Variants in MAP2 observed in about 807,000 individuals in gnomAD.
The protein encoded by MAP2 is microtubule-associated protein 2.
MAP2 carries 14 observed loss-of-function variants against 137.6 expected under a neutral mutation model. The observed-to-expected ratio is 0.10, with a 90% confidence interval of 0.07 to 0.16. MAP2 has a LOEUF of 0.16. MAP2 is among the 10% of genes least tolerant of loss of function. The probability of loss-of-function intolerance (pLI) is 1.00; values close to 1 mark genes in which losing one functional copy is unlikely to be tolerated. For missense variants in MAP2, 2,088 were observed against 2,191.5 expected, an observed-to-expected ratio of 0.95 and a Z score of 0.94; for synonymous variants, 786 against 782.3, an observed-to-expected ratio of 1.00 and a Z score of -0.08.
chr2:209,696,356 C>CATT lies in MAP2; in HGVS notation c.4180+22_4180+24dup, dbSNP rs753363078. The CATT allele has an allele frequency of 3.5e-5, 53 of 1,531,004 alleles. No individual in the cohort carries two copies. The highest frequency in any genetic ancestry group is 1.4e-4 in the African/African-American group (10 of 71,842). The allele number at this position is 1,531,004 out of a possible 1,614,324, so 94.8% of individuals were successfully genotyped here. On this transcript the variant is annotated splice_region_variant and intron_variant, in intron 8 of 15. Transcript: ENST00000682079. ...CCTCTGGGTGGACACTCAAGGTGTG[C>CATT]ATTATTATTATTATTATTTTAACTC...
intron 1 of MAP2, among the ~76,000 whole-genome samples, chr2:209,506,119 T>C (rs960997040): frequency 6.6e-6 from 1 of 152,150 alleles, no homozygotes. Context: ...ATGTCATTAG[T>C]TGGAAGTCAA....
intron 1 of MAP2, among the ~76,000 whole-genome samples, chr2:209,437,866 G>A (rs1346338776): frequency 6.6e-6 from 1 of 150,938 alleles, no homozygotes; most frequent in Non-Finnish European, 1.5e-5. Flanking sequence ...TTTGAGATAA[G>A]TCGTTCCCCT....
At chr2:209,579,031 A>C (rs2075809716) in intron 2 of MAP2, among the ~76,000 whole-genome samples, 1 of 152,080 alleles carries the variant, frequency 6.6e-6, no homozygotes, top group Non-Finnish European at 1.5e-5. Context: ...ATACATAAAT[A>C]TATGCATTTC....
At chr2:209,603,385 T>C (rs1266438307) in intron 3 of MAP2, among the ~76,000 whole-genome samples, 1 of 152,162 alleles carries the variant, frequency 6.6e-6, no homozygotes, top group African/African-American at 2.4e-5. Flanking sequence ...TTCAGAGTCA[T>C]TGTTTCATTT....
At chr2:209,657,053 T>C (rs2041281288) in intron 5 of MAP2, among the ~76,000 whole-genome samples, 1 of 152,242 alleles carries the variant, frequency 6.6e-6, no homozygotes, top group African/African-American at 2.4e-5. Context: ...TCTGAGTTAT[T>C]TCACTTAAGA....
At chr2:209,557,944 A>G (rs1050919673) in intron 2 of MAP2, among the ~76,000 whole-genome samples, 3 of 152,210 alleles carry the variant, frequency 2.0e-5, no homozygotes, top group Non-Finnish European at 4.4e-5. Context: ...CCACTGTATC[A>G]TGAGCTATTT....
chr2:209,500,821 G>T (rs2060283068), intron 1 of MAP2, among the ~76,000 whole-genome samples: 1 of 152,074 alleles, frequency 6.6e-6, no homozygotes, highest in Non-Finnish European at 1.5e-5. Context: ...GATCACTTGA[G>T]CCCGGGAGTT....
intron 2 of MAP2, among the ~76,000 whole-genome samples, chr2:209,538,616 A>G (rs1391500759): frequency 2.0e-5 from 3 of 150,286 alleles, no homozygotes; most frequent in African/African-American, 7.4e-5. Context: ...AAAATGTGGT[A>G]CACATTGGAA....
chr2:209,601,176 A>G (rs2153460401), intron 3 of MAP2, among the ~76,000 whole-genome samples: 1 of 152,336 alleles, frequency 6.6e-6, no homozygotes, highest in Admixed American at 6.5e-5. Context: ...GGTGGCTGGT[A>G]TTCTAATTAT....
intron 1 of MAP2, among the ~76,000 whole-genome samples, chr2:209,497,799 C>G (rs1317174261): frequency 6.6e-6 from 1 of 152,096 alleles, no homozygotes; most frequent in African/African-American, 2.4e-5. Context: ...AAAACAGCAC[C>G]AAGCCATAAG....
intron 3 of MAP2, among the ~76,000 whole-genome samples, chr2:209,608,208 T>C (rs1194374475): frequency 2.6e-5 from 4 of 152,210 alleles, no homozygotes; most frequent in African/African-American, 7.2e-5. Flanking sequence ...GATTAAATAC[T>C]GTCCAAAACC....
chr2:209,450,950 C>T (rs1031646229), intron 1 of MAP2, among the ~76,000 whole-genome samples: 3 of 151,384 alleles, frequency 2.0e-5, no homozygotes, highest in South Asian at 2.1e-4. Flanking sequence ...ATTCTATAAT[C>T]ATTAGATTTC....
At chr2:209,603,047 A>T (rs12992342) in intron 3 of MAP2, among the ~76,000 whole-genome samples, 45 of 152,054 alleles carry the variant, frequency 3.0e-4, no homozygotes, top group South Asian at 1.2e-3. Flanking sequence ...TCAAAAAGAG[A>T]TAAAGCATTC....
chr2:209,436,032 A>ATATAT (rs1696171628), intron 1 of MAP2, among the ~76,000 whole-genome samples: 127 of 140,934 alleles, frequency 9.0e-4, no homozygotes, highest in East Asian at 1.8e-3. Flanking sequence ...TAAAATATAT[A>ATATAT]TATATGTACT....
chr2:209,643,145 T>C (rs538311090), intron 4 of MAP2, among the ~76,000 whole-genome samples: 2 of 152,306 alleles, frequency 1.3e-5, no homozygotes, highest in African/African-American at 2.4e-5. Context: ...ATTCTAGAAC[T>C]GTCTGTGCCG....
chr2:209,557,305 G>A (rs2070910770), intron 2 of MAP2, among the ~76,000 whole-genome samples: 1 of 152,224 alleles, frequency 6.6e-6, no homozygotes, highest in Non-Finnish European at 1.5e-5. Context: ...CTTTAGTCCA[G>A]TATGTGAGTC....
intron 10 of MAP2, 36 bp downstream of exon 10, chr2:209,697,087 T>G: frequency 6.5e-7 from 1 of 1,536,648 alleles, no homozygotes; most frequent in Non-Finnish European, 8.7e-7. Flanking sequence ...CTGGCAAACA[T>G]AGACATGTAT....
Position 209,730,043 on chromosome 2 carries a change from AT to A in MAP2, c.5268+83del, listed in dbSNP as rs1196931351. The stretch of plus-strand genomic sequence containing the variant: ...TACTCTTCATCAAAATAGGTCCCAG[AT>A]TGTAGACCTGGACAAATAAGAAGTG... On this transcript the variant is annotated intron_variant, in intron 15 of 15. Coordinates refer to ENST00000682079, the MANE Select transcript of MAP2 (RefSeq NM_001375505.1). 3 of 1,227,498 alleles carry A rather than the reference AT, an allele frequency of 2.4e-6. No homozygotes were observed. In the African/African-American group the frequency reaches 4.5e-5, roughly 19 times the overall value. 76.0% of individuals were successfully genotyped at this position (1,227,498 alleles called of 1,614,324 possible). A position where few individuals can be genotyped will look rare whatever the true frequency, so the allele number is the denominator to read the frequency against.
At chr2:209,506,146 G>A (rs2061027327) in intron 1 of MAP2, among the ~76,000 whole-genome samples, 1 of 151,602 alleles carries the variant, frequency 6.6e-6, no homozygotes, top group African/African-American at 2.4e-5. Flanking sequence ...TATACTAAAG[G>A]CATTAATCTT....
Sources: allele counts gnomAD v4.1 joint callset (sites outside exome capture counted in the v4.1 genomes callset), GRCh38; gene constraint gnomAD v4.1.1; transcripts MANE v1.5; gene names NCBI Gene and HGNC (gene_info 2026-07-23, HGNC 2026-07-21).